UBAC2: variants seen among roughly 807,000 people sequenced by gnomAD.
UBAC2 encodes UBA domain containing 2.
A neutral mutation model predicts 44.0 loss-of-function variants in UBAC2; 26 were observed. That is an observed-to-expected ratio of 0.59 (90% CI 0.43 to 0.82). The LOEUF is 0.82. Ranked by LOEUF, UBAC2 falls within the 40% of genes least tolerant of loss-of-function variation. The pLI, the probability that UBAC2 is intolerant of heterozygous loss-of-function variation, is 0.00. For synonymous variants in UBAC2, 155 were observed against 154.3 expected (o/e 1.00, Z -0.04); for missense variants, 329 against 419.4 (o/e 0.78, Z 1.88).
At chr13:99,368,688 A>AGTGTGGGTGT (rs1555332920) in intron 8 of UBAC2, among the ~76,000 whole-genome samples, 6 of 146,596 alleles carry the variant, frequency 4.1e-5, no homozygotes, top group Non-Finnish European at 9.0e-5. Flanking sequence ...CTCATGAGAG[A>AGTGTGGGTGT]GTGTGTGTGT....
rs567825084 is a variant in UBAC2, at chr13:99,226,792, C to A, written c.32-11635C>A. Among the ~76,000 whole-genome samples the A allele has an allele frequency of 7.9e-5, 12 of 152,200 alleles. 1 individual carries two copies. The East Asian group carries it at 1.4e-3, about 17-fold the overall frequency. ...TTTCATCTCAAAGCATGTGTACTTGCTTTTTTTTCCTCCAGAATCACCCTT... is the reference window on the plus strand; with the variant it reads ...TTTCATCTCAAAGCATGTGTACTTGATTTTTTTTCCTCCAGAATCACCCTT... On this transcript the variant is annotated intron_variant, in intron 1 of 8. Transcript: ENST00000403766.
At chr13:99,253,765 C>T (rs1374542057) in intron 4 of UBAC2, among the ~76,000 whole-genome samples, 1 of 152,194 alleles carries the variant, frequency 6.6e-6, no homozygotes, top group Non-Finnish European at 1.5e-5. Flanking sequence ...CCGTCCACCT[C>T]AGCCTCCCAA....
intron 6 of UBAC2, among the ~76,000 whole-genome samples, chr13:99,337,643 C>T (rs1336490289): frequency 6.6e-6 from 1 of 152,176 alleles, no homozygotes; most frequent in African/African-American, 2.4e-5. Context: ...TCCTTTCCCC[C>T]ATATTCCCTC....
Position 99,273,501 on chromosome 13 carries a change from G to A in UBAC2, c.389+28877G>A, listed in dbSNP as rs564881034. On this transcript the variant is annotated intron_variant, in intron 4 of 8. Coordinates refer to ENST00000403766, the MANE Select transcript of UBAC2 (RefSeq NM_001144072.2). ...AAGCGGTTTCTTTATATGGTAGTTT[G>A]CCTGTCCTGGGGGAAAGGAAAGATG... 4.6e-5 allele frequency among the ~76,000 whole-genome samples: 7 copies of A among 152,258 alleles called. No individual in the cohort carries two copies. The East Asian group carries it at 1.3e-3, about 29-fold the overall frequency.
At chr13:99,335,201 G>A (rs530191535) in intron 6 of UBAC2, among the ~76,000 whole-genome samples, 1 of 152,236 alleles carries the variant, frequency 6.6e-6, no homozygotes, top group Admixed American at 6.5e-5. Context: ...GTTTAATTTT[G>A]TACTTCATTC....
chr13:99,215,894 A>G (rs1401055487), intron 1 of UBAC2: 1 of 422,748 alleles, frequency 2.4e-6, no homozygotes. Flanking sequence ...ATCGGATCAA[A>G]GAGAAAATCT....
At chr13:99,282,566 C>G (rs2043967587) in intron 4 of UBAC2, among the ~76,000 whole-genome samples, 1 of 151,860 alleles carries the variant, frequency 6.6e-6, no homozygotes, top group African/African-American at 2.4e-5. Context: ...ATGTTTTGTT[C>G]AAAAAGAAAT....
Position 99,386,134 on chromosome 13 carries a change from G to T in UBAC2, c.*799G>T, listed in dbSNP as rs978411978. ...GATCCCTTGCCTGCCCCTCCCTGTG[G>T]CAGGGCTAACTGCCTGGCCCTCCTG... On this transcript the variant is annotated 3_prime_UTR_variant, in exon 9 of 9. Transcript: ENST00000403766. 2 of 152,272 alleles carry T rather than the reference G, an allele frequency of 1.3e-5. No homozygotes were observed. The highest frequency in any genetic ancestry group is 2.9e-5 in the Non-Finnish European group (2 of 68,084). The allele number at this position is 152,272 out of a possible 1,614,324, so 9.4% of individuals were successfully genotyped here. A position where few individuals can be genotyped will look rare whatever the true frequency, so the allele number is the denominator to read the frequency against.
At position 99,368,686 on chromosome 13, in the gene UBAC2, A is replaced by AGTGTGTGTGT. The variant is rs1284291833; in HGVS notation, c.927+781_927+782insTGTGTGTGTG. The stretch of plus-strand genomic sequence containing the variant: ...ATCACTATCATCGTAAACTCATGAG[A>AGTGTGTGTGT]GAGTGTGTGTGTGTGTGTGTGTGTG... On this transcript the variant is annotated intron_variant, in intron 8 of 8. Coordinates refer to ENST00000403766, the MANE Select transcript of UBAC2 (RefSeq NM_001144072.2). Among the ~76,000 whole-genome samples, 15 of 82,594 alleles carry AGTGTGTGTGT rather than the reference A, an allele frequency of 1.8e-4. No individual in the cohort carries two copies. In the South Asian group the frequency reaches 2.2e-3, roughly 12 times the overall value. The allele number at this position is 82,594 out of a possible 152,430, so 54.2% of individuals were successfully genotyped here.
chr13:99,368,933 G>A (rs1019871558), intron 8 of UBAC2, among the ~76,000 whole-genome samples: 1 of 152,058 alleles, frequency 6.6e-6, no homozygotes, highest in Non-Finnish European at 1.5e-5. Context: ...GTAAGGAAGT[G>A]ATCAGTCACT....
At chr13:99,347,123 A>G (rs577897347) in intron 7 of UBAC2, among the ~76,000 whole-genome samples, 1 of 61,270 alleles carries the variant, frequency 1.6e-5, no homozygotes, top group Admixed American at 1.6e-4. Flanking sequence ...TATTTAAAGA[A>G]AAAAAAAGAT....
At chr13:99,293,683 C>T (rs998057378) in intron 4 of UBAC2, among the ~76,000 whole-genome samples, 1 of 152,076 alleles carries the variant, frequency 6.6e-6, no homozygotes, top group Non-Finnish European at 1.5e-5. Flanking sequence ...TCAGGTGGCT[C>T]TTTGTGAAAT....
chr13:99,323,588 TAG>T (rs2044598428), intron 6 of UBAC2, among the ~76,000 whole-genome samples: 1 of 152,212 alleles, frequency 6.6e-6, no homozygotes, highest in South Asian at 2.1e-4. Context: ...ATAATTAAAA[TAG>T]CAAGTGTGAT....
At chr13:99,242,528 G>A (rs1594037810) in intron 2 of UBAC2, among the ~76,000 whole-genome samples, 1 of 120,056 alleles carries the variant, frequency 8.3e-6, no homozygotes, top group African/African-American at 3.2e-5. Context: ...CCTCCCTCCC[G>A]GACGGGGCGG....
chr13:99,266,087 G>T (rs559548156), intron 4 of UBAC2, among the ~76,000 whole-genome samples: 1 of 151,952 alleles, frequency 6.6e-6, no homozygotes, highest in Non-Finnish European at 1.5e-5. Flanking sequence ...GGGTCTTGGA[G>T]CTCTTCACCT....
chr13:99,295,240 G>T lies in UBAC2; in HGVS notation c.390-18857G>T. ...CAAAGAAGTAGATAAAAGGGTCCAT[G>T]CAGCAATTGAAGTTCATCAGGCATA... is the stretch of plus-strand genomic sequence containing the variant. On this transcript the variant is annotated intron_variant, in intron 4 of 8. Coordinates refer to ENST00000403766, the MANE Select transcript of UBAC2 (RefSeq NM_001144072.2). This position sits in a 1 kb window ranked among gnomAD's most constrained non-coding sequence, Gnocchi z 4.1. 6.2e-7 allele frequency: 1 copy of T among 1,614,114 alleles called. No homozygotes were observed. The highest frequency in any genetic ancestry group is 8.5e-7 in the Non-Finnish European group (1 of 1,179,994).
intron 1 of UBAC2, among the ~76,000 whole-genome samples, chr13:99,220,885 G>T (rs1208487636): frequency 1.3e-5 from 2 of 150,216 alleles, no homozygotes. Flanking sequence ...ATTTTTTTTT[G>T]GTAAAAAATT....
At chr13:99,369,426 T>C (rs2045377074) in intron 8 of UBAC2, among the ~76,000 whole-genome samples, 1 of 152,214 alleles carries the variant, frequency 6.6e-6, no homozygotes, top group Admixed American at 6.5e-5. Context: ...CCGTTCTGTT[T>C]TTCACTTGCA....
At chr13:99,246,336 G>C (rs2043382970) in intron 4 of UBAC2, among the ~76,000 whole-genome samples, 1 of 152,206 alleles carries the variant, frequency 6.6e-6, no homozygotes, top group Admixed American at 6.5e-5. Context: ...ATTAGACTGA[G>C]AAGTTAAAGT....
Sources: gnomAD v4.1 joint callset for allele counts (sites outside exome capture counted in the v4.1 genomes callset) on GRCh38, gnomAD v4.1.1 for gene constraint, Gnocchi (gnomAD v3.1) non-coding constraint, MANE v1.5 for transcripts, NCBI Gene and HGNC (gene_info 2026-07-23, HGNC 2026-07-21) for gene names.